The following LTBP1 variants were observed in gnomAD, a reference collection of about 807,000 sequenced individuals.
LTBP1 encodes latent transforming growth factor beta binding protein 1.
Under a neutral mutation model 207.6 loss-of-function variants are expected in LTBP1, and 129 were observed. The ratio of observed to expected loss-of-function variants is 0.62; its 90% CI spans 0.54 to 0.72. The LOEUF (loss-of-function observed/expected upper bound fraction) is 0.72, where lower values mean the gene tolerates loss of function less well. Among genes scored for constraint, LTBP1 ranks in the 30% least tolerant of loss-of-function variants. LTBP1 has a pLI of 0.00. For synonymous variants in LTBP1, 963 were observed against 833.7 expected (o/e 1.16, Z -2.67); for missense variants, 2,281 against 2,217.2 (o/e 1.03, Z -0.58).
At chr2:33,277,805 C>G (rs1350991770) in intron 18 of LTBP1, among the ~76,000 whole-genome samples, 1 of 106,908 alleles carries the variant, frequency 9.4e-6, no homozygotes, top group Non-Finnish European at 1.9e-5. Flanking sequence ...TTCTCTCTCT[C>G]TTTCTTTTTT....
chr2:33,198,072 C>G (rs2088776451), intron 7 of LTBP1, among the ~76,000 whole-genome samples: 1 of 152,198 alleles, frequency 6.6e-6, no homozygotes. Flanking sequence ...CATGAACCCA[C>G]TTTTATAGTT....
At chr2:33,264,501 A>G (rs979571085) in intron 15 of LTBP1, among the ~76,000 whole-genome samples, 10 of 152,190 alleles carry the variant, frequency 6.6e-5, no homozygotes, top group Admixed American at 6.5e-4. Context: ...AAAATTCTAA[A>G]TGTCCATATC....
chr2:33,383,390 T>C (rs1381591015), intron 31 of LTBP1, among the ~76,000 whole-genome samples: 1 of 152,212 alleles, frequency 6.6e-6, no homozygotes, highest in Non-Finnish European at 1.5e-5. Flanking sequence ...TGCTGGCTTA[T>C]CAGTCACTGG....
At chr2:33,222,214 G>A in intron 9 of LTBP1, 63 bp downstream of exon 9, 1 of 1,204,890 alleles carries the variant, frequency 8.3e-7, no homozygotes. Context: ...AGAAACTTCA[G>A]TTGTTTGCCA....
At chr2:33,267,181 C>G (rs769363815) in intron 15 of LTBP1, among the ~76,000 whole-genome samples, 10 of 152,250 alleles carry the variant, frequency 6.6e-5, no homozygotes, top group Non-Finnish European at 1.2e-4. Context: ...TCTGCTACAG[C>G]AGCTGGGATG....
At chr2:32,976,311 T>C (rs558840767) in intron 2 of LTBP1, among the ~76,000 whole-genome samples, 18 of 152,262 alleles carry the variant, frequency 1.2e-4, no homozygotes, top group African/African-American at 4.3e-4. Flanking sequence ...CCAACACCTT[T>C]CCTCAGGGCC....
intron 26 of LTBP1, among the ~76,000 whole-genome samples, chr2:33,359,687 C>G (rs963675789): frequency 6.6e-6 from 1 of 152,170 alleles, no homozygotes; most frequent in Non-Finnish European, 1.5e-5. Flanking sequence ...TTAATACATT[C>G]AAACTGGATC....
intron 13 of LTBP1, among the ~76,000 whole-genome samples, chr2:33,261,237 G>A (rs2147981986): frequency 6.7e-6 from 1 of 150,268 alleles, no homozygotes; most frequent in East Asian, 2.0e-4. Flanking sequence ...CTGCCTCACG[G>A]TGATGGGGGA....
intron 7 of LTBP1, among the ~76,000 whole-genome samples, chr2:33,209,157 G>A (rs966625255): frequency 6.6e-6 from 1 of 152,114 alleles, no homozygotes; most frequent in Non-Finnish European, 1.5e-5. Flanking sequence ...ACAGGTGTGA[G>A]CCACCGCACC....
At chr2:32,991,110 G>A (rs1684339866) in intron 2 of LTBP1, among the ~76,000 whole-genome samples, 1 of 152,156 alleles carries the variant, frequency 6.6e-6, no homozygotes, top group Admixed American at 6.5e-5. Context: ...CTTTGTTTGA[G>A]TTTGTTACTC....
intron 3 of LTBP1, among the ~76,000 whole-genome samples, chr2:33,078,842 GTTTTCTTTTC>G (rs1254837176): frequency 7.8e-6 from 1 of 127,392 alleles, no homozygotes; most frequent in African/African-American, 2.7e-5. Flanking sequence ...CTTCTCTTCT[GTTTTCTTTTC>G]TTTTCTTTTC....
intron 31 of LTBP1, among the ~76,000 whole-genome samples, chr2:33,384,791 G>T (rs2095251525): frequency 6.6e-6 from 1 of 152,108 alleles, no homozygotes; most frequent in Non-Finnish European, 1.5e-5. Flanking sequence ...CCCCAAGCTG[G>T]ACTGTAGCAG....
intron 31 of LTBP1, among the ~76,000 whole-genome samples, chr2:33,370,315 A>G (rs1409289432): frequency 6.6e-6 from 1 of 152,248 alleles, no homozygotes; most frequent in African/African-American, 2.4e-5. Flanking sequence ...AAATGCAGAA[A>G]TAATTGTTCT....
chr2:33,145,658 T>C (rs1313506358), intron 5 of LTBP1, among the ~76,000 whole-genome samples: 2 of 152,190 alleles, frequency 1.3e-5, no homozygotes, highest in African/African-American at 2.4e-5. Flanking sequence ...AGCTGTTTTA[T>C]TGGGTGTACA....
intron 4 of LTBP1, among the ~76,000 whole-genome samples, chr2:33,111,238 A>G (rs2080380279): frequency 6.6e-6 from 1 of 152,140 alleles, no homozygotes. Flanking sequence ...CTGAATTTGT[A>G]AAGCGCTATT....
At chr2:33,239,047 T>C (rs1053683899) in intron 9 of LTBP1, among the ~76,000 whole-genome samples, 1 of 152,212 alleles carries the variant, frequency 6.6e-6, no homozygotes, top group Non-Finnish European at 1.5e-5. Context: ...CCATAGGACA[T>C]TGCCAATATT....
intron 31 of LTBP1, among the ~76,000 whole-genome samples, chr2:33,376,355 A>C (rs2095139813): frequency 1.3e-5 from 2 of 152,232 alleles, no homozygotes; most frequent in African/African-American, 4.8e-5. Context: ...CCTCACCCTA[A>C]GACGTGTCAC....
chr2:33,041,757 A>G (rs2076196731), intron 3 of LTBP1, among the ~76,000 whole-genome samples: 1 of 152,164 alleles, frequency 6.6e-6, no homozygotes, highest in African/African-American at 2.4e-5. Flanking sequence ...AATAACCCAC[A>G]GTTTACTGGA....
At chr2:33,042,662 G>A (rs1055321998) in intron 3 of LTBP1, among the ~76,000 whole-genome samples, 2 of 152,138 alleles carry the variant, frequency 1.3e-5, no homozygotes, top group Non-Finnish European at 2.9e-5. Context: ...CCAGACCAAT[G>A]GGAGGTTTCT....
Sources: allele counts gnomAD v4.1 joint callset (sites outside exome capture counted in the v4.1 genomes callset), GRCh38; gene constraint gnomAD v4.1.1; transcripts MANE v1.5; gene names NCBI Gene and HGNC (gene_info 2026-07-23, HGNC 2026-07-21).